Variants in CYB5R4 observed in about 807,000 individuals in gnomAD.
CYB5R4 encodes cytochrome b5 reductase 4, also known as N-terminal cytochrome b5 and cytochrome b5 oxidoreductase domain-containing protein.
CYB5R4 carries 55 observed loss-of-function variants against 70.2 expected under a neutral mutation model. The ratio of observed to expected loss-of-function variants is 0.78; its 90% CI spans 0.63 to 0.98. The LOEUF (loss-of-function observed/expected upper bound fraction) is 0.98, where lower values mean the gene tolerates loss of function less well. Among genes scored for constraint, CYB5R4 ranks in the 50% least tolerant of loss-of-function variants. The pLI is 0.00. For missense variants in CYB5R4, 562 were observed against 612.6 expected (o/e 0.92, Z 0.87); for synonymous variants, 197 against 199.5 (o/e 0.99, Z 0.11).
chr6:83,870,380 G>A (rs1008039515), intron 2 of CYB5R4, among the ~76,000 whole-genome samples: 2 of 150,464 alleles, frequency 1.3e-5, no homozygotes, highest in Non-Finnish European at 1.5e-5. Flanking sequence ...TAATGATAAC[G>A]AAAGCTTTGT....
At chr6:83,938,362 T>A (rs1401078149) in intron 12 of CYB5R4, among the ~76,000 whole-genome samples, 1 of 152,210 alleles carries the variant, frequency 6.6e-6, no homozygotes, top group Non-Finnish European at 1.5e-5. Flanking sequence ...GAAGTATTAT[T>A]TCAACTTCAT....
At chr6:83,930,984 C>T (rs1421835453) in intron 10 of CYB5R4, among the ~76,000 whole-genome samples, 2 of 152,176 alleles carry the variant, frequency 1.3e-5, no homozygotes, top group African/African-American at 4.8e-5. Flanking sequence ...TGCTCTGGAT[C>T]AGGTTTTTGG....
In CYB5R4 at chr6:83,918,121, C is replaced by A. The variant is rs1042574044; in HGVS notation, c.506+56C>A. On this transcript the variant is annotated intron_variant, in intron 6 of 15. Coordinates refer to ENST00000369681, the MANE Select transcript of CYB5R4 (RefSeq NM_016230.4). The stretch of plus-strand genomic sequence containing the variant: ...TAAATCAATTATGTACAAAAATGTA[C>A]ACATTTAAAAAATAAAGTAGCTCTG... 3.0e-6 allele frequency: 4 copies of A among 1,330,286 alleles called. No homozygotes were observed. The East Asian group carries it at 7.0e-5, about 23-fold the overall frequency. 82.4% of individuals were successfully genotyped at this position (1,330,286 alleles called of 1,614,324 possible).
intron 9 of CYB5R4, among the ~76,000 whole-genome samples, 154 bp downstream of exon 9, chr6:83,922,624 T>C (rs1156686698): frequency 1.3e-5 from 2 of 152,140 alleles, no homozygotes; most frequent in East Asian, 3.8e-4. Context: ...TTTCTCTTTT[T>C]TTTTTAAACT....
chr6:83,922,168 A>G (rs191429803), intron 8 of CYB5R4, among the ~76,000 whole-genome samples: 10 of 152,280 alleles, frequency 6.6e-5, no homozygotes, highest in Admixed American at 4.6e-4. Context: ...GGAACCATCC[A>G]TGCTTGGACT....
rs1210988079 is a variant in CYB5R4 at position 83,962,981 on chromosome 6, C to G, written c.*3103C>G. 6.6e-6 allele frequency: 1 copy of G among 152,232 alleles called. No homozygotes were observed. Among genetic ancestry groups the G allele is most frequent in the South Asian group, 2.1e-4 (1 of 4,834 alleles). The allele number at this position is 152,232 out of a possible 1,614,324, so 9.4% of individuals were successfully genotyped here. A position where few individuals can be genotyped will look rare whatever the true frequency, so the allele number is the denominator to read the frequency against. On this transcript the variant is annotated 3_prime_UTR_variant, in exon 16 of 16. Transcript: ENST00000369681. ...TCTCTGAATTCCCTTTCTGCCATAT[C>G]TTTCTTGCCCTAGCAAGAGTTCACT...
At chr6:83,890,876 G>A (rs1283205487) in intron 2 of CYB5R4, among the ~76,000 whole-genome samples, 1 of 152,124 alleles carries the variant, frequency 6.6e-6, no homozygotes, top group East Asian at 1.9e-4. Context: ...ATTTAATAAA[G>A]GTATGTACAT....
chr6:83,918,164 A>G (rs2099465806), intron 6 of CYB5R4, 99 bp downstream of exon 6: 1 of 802,230 alleles, frequency 1.2e-6, no homozygotes, highest in Non-Finnish European at 2.1e-6. Context: ...TTTATTGCTT[A>G]CTGTTAGTCA....
intron 3 of CYB5R4, among the ~76,000 whole-genome samples, chr6:83,896,859 A>G (rs943359828): frequency 1.3e-5 from 2 of 152,006 alleles, no homozygotes; most frequent in Non-Finnish European, 2.9e-5. Flanking sequence ...ACTGTTTTCC[A>G]TAATGGTTGT....
At position 83,959,900 on chromosome 6, in the gene CYB5R4, T is replaced by C. The variant is rs1202657312; in HGVS notation, c.*22T>C. The C allele has an allele frequency of 6.4e-6, 10 of 1,564,006 alleles. No homozygotes were observed. The highest frequency in any genetic ancestry group is 8.7e-6 in the Non-Finnish European group (10 of 1,155,146). ...ATAATGAAGAGCTGTCATTGTCCTTTATTCAACTAGTTTATCTAAATTTGT... is the reference window on the plus strand; with the variant it reads ...ATAATGAAGAGCTGTCATTGTCCTTCATTCAACTAGTTTATCTAAATTTGT... On this transcript the variant is annotated 3_prime_UTR_variant, in exon 16 of 16. Transcript: ENST00000369681.
chr6:83,957,643 A>AAAT (rs2099472638), intron 15 of CYB5R4, among the ~76,000 whole-genome samples: 1 of 151,778 alleles, frequency 6.6e-6, no homozygotes, highest in Non-Finnish European at 1.5e-5. Context: ...AAAAAAAAAA[A>AAAT]AAATTGACCA....
intron 8 of CYB5R4, 97 bp downstream of exon 8, chr6:83,921,272 G>T: frequency 9.3e-7 from 1 of 1,074,780 alleles, no homozygotes; most frequent in Non-Finnish European, 1.3e-6. Context: ...TATTTTATCT[G>T]CTGTTACCAT....
At chr6:83,925,758 A>G (rs1453191817) in intron 10 of CYB5R4, among the ~76,000 whole-genome samples, 1 of 152,040 alleles carries the variant, frequency 6.6e-6, no homozygotes, top group East Asian at 1.9e-4. Context: ...TCTTCTCCCC[A>G]TGGTCTGTTT....
In CYB5R4 at chr6:83,957,598, G is replaced by A. The variant is rs1320173732; in HGVS notation, c.1511+2136G>A. 2.2e-5 allele frequency among the ~76,000 whole-genome samples: 3 copies of A among 139,444 alleles called. No individual in the cohort carries two copies. In the Admixed American group the frequency reaches 2.2e-4, roughly 10 times the overall value. The allele number at this position is 139,444 out of a possible 152,430, so 91.5% of individuals were successfully genotyped here. On this transcript the variant is annotated intron_variant, in intron 15 of 15. Coordinates refer to ENST00000369681, the MANE Select transcript of CYB5R4 (RefSeq NM_016230.4). ...GATCGCGCCATTGCACTCCAGCCTGGGCAACAAGAGCGAAACTCTGTCTCA... is the reference window on the plus strand; with the variant it reads ...GATCGCGCCATTGCACTCCAGCCTGAGCAACAAGAGCGAAACTCTGTCTCA...
intron 14 of CYB5R4, among the ~76,000 whole-genome samples, chr6:83,944,121 G>C (rs1314750688): frequency 2.0e-5 from 3 of 151,830 alleles, no homozygotes; most frequent in African/African-American, 4.8e-5. Context: ...AGCAACCCCA[G>C]GACATAATCG....
intron 2 of CYB5R4, among the ~76,000 whole-genome samples, chr6:83,865,036 G>A (rs543641649): frequency 6.6e-6 from 1 of 152,196 alleles, no homozygotes; most frequent in Admixed American, 6.5e-5. Context: ...AGAGAGGAAG[G>A]GAAATATATC....
intron 7 of CYB5R4, 135 bp from the exon 8 acceptor site, chr6:83,920,947 G>T: frequency 1.7e-6 from 1 of 586,394 alleles, no homozygotes; most frequent in Middle Eastern, 3.7e-4. Context: ...AAAAACAGAA[G>T]TCACATTTGT....
At chr6:83,932,088 A>C (rs183215120) in intron 10 of CYB5R4, among the ~76,000 whole-genome samples, 4 of 152,078 alleles carry the variant, frequency 2.6e-5, no homozygotes, top group African/African-American at 9.6e-5. Flanking sequence ...GCTGAGAATG[A>C]TGGTATACTT....
intron 10 of CYB5R4, 120 bp from the exon 11 acceptor site, chr6:83,934,475 C>T: frequency 1.6e-6 from 1 of 620,016 alleles, no homozygotes; most frequent in Non-Finnish European, 2.7e-6. Context: ...AATGTATAGG[C>T]ATTTTAGTGA....
Sources: gnomAD v4.1 joint callset for allele counts (sites outside exome capture counted in the v4.1 genomes callset) on GRCh38, gnomAD v4.1.1 for gene constraint, MANE v1.5 for transcripts, NCBI Gene and HGNC (gene_info 2026-07-23, HGNC 2026-07-21) for gene names.